The following BRCA2 variants were observed in gnomAD, a reference collection of about 807,000 sequenced individuals.
BRCA2 encodes breast cancer type 2 susceptibility protein.
Under a neutral mutation model 276.7 loss-of-function variants are expected in BRCA2, and 203 were observed. The observed-to-expected ratio is 0.73, with a 90% CI of 0.65 to 0.82. BRCA2 has a LOEUF of 0.82. Ranked by LOEUF, BRCA2 falls within the 40% of genes least tolerant of loss-of-function variation. The probability of loss-of-function intolerance (pLI) is 0.00; values close to 1 mark genes in which losing one functional copy is unlikely to be tolerated. For synonymous variants in BRCA2, 1,289 were observed against 1,338.4 expected, an observed-to-expected ratio of 0.96 and a Z score of 0.81; for missense variants, 3,920 against 3,915.0, an observed-to-expected ratio of 1.00 and a Z score of -0.03.
At chr13:32,316,805 T>A (rs1435703181) in intron 2 of BRCA2, among the ~76,000 whole-genome samples, 1 of 152,202 alleles carries the variant, frequency 6.6e-6, no homozygotes, top group Non-Finnish European at 1.5e-5. Context: ...GCAGAAGTTG[T>A]CCAACTTTTT....
At chr13:32,388,305 G>T (rs752579953) in intron 24 of BRCA2, among the ~76,000 whole-genome samples, 1 of 151,970 alleles carries the variant, frequency 6.6e-6, no homozygotes, top group Non-Finnish European at 1.5e-5. Flanking sequence ...TTTTAATAGA[G>T]CTGGGGTTTC....
rs1253463092 is a variant in BRCA2, at chr13:32,319,097, A to C, written c.88A>C (p.Asn30His). The change falls in exon 3 of 27, where the codon AAT becomes CAT. Residue 30 changes from asparagine (N) to histidine (H), a missense_variant. Around this residue, in one of 2 missense-constraint regions of BRCA2, gnomAD observed 3,263 missense variants for 3,156.9 expected, o/e 1.03. Transcript: ENST00000380152. ...AATAGATTTAGGACCAATAAGTCTT[A>C]ATTGGTTTGAAGAACTTTCTTCAGA... ...NKADLGPISL[N>H]WFEELSSEAP... 1 of 1,611,418 alleles carries C rather than the reference A, an allele frequency of 6.2e-7. No homozygotes were observed. The highest frequency in any genetic ancestry group is 8.5e-7 in the Non-Finnish European group (1 of 1,177,764).
chr13:32,352,100 C>T (rs2137550359), intron 13 of BRCA2, among the ~76,000 whole-genome samples: 1 of 152,278 alleles, frequency 6.6e-6, no homozygotes, highest in South Asian at 2.1e-4. Flanking sequence ...TGTACCAGGC[C>T]TAATGTTACC....
chr13:32,378,914 G>A (rs1001455720), intron 21 of BRCA2, among the ~76,000 whole-genome samples: 1 of 152,162 alleles, frequency 6.6e-6, no homozygotes, highest in Non-Finnish European at 1.5e-5. Flanking sequence ...GTGCAAATTA[G>A]TTGTCCCCTT....
Position 32,332,795 on chromosome 13 carries a change from T to C in BRCA2, c.1317T>C (p.Phe439=), listed in dbSNP as rs1555281834. The change falls in exon 10 of 27, where the codon TTT becomes TTC. Residue 439 remains phenylalanine (F), a synonymous_variant. Coordinates refer to ENST00000380152, the MANE Select transcript of BRCA2 (RefSeq NM_000059.4). ...CAGAGAACAAAAGAAAGAAAGATTTTCTTACTTCAGAGAATTCTTTGCCAC... is the reference window on the plus strand; with the variant it reads ...CAGAGAACAAAAGAAAGAAAGATTTCCTTACTTCAGAGAATTCTTTGCCAC... ...LDTENKRKKD[F]LTSENSLPRI... 6.2e-7 allele frequency: 1 copy of C among 1,608,072 alleles called. No individual in the cohort carries two copies. The highest frequency in any genetic ancestry group is 1.1e-5 in the South Asian group (1 of 89,462).
rs876660133 is a variant in BRCA2, at chr13:32,363,257, A to C, written c.8055A>C (p.Thr2685=). Residue 2685 remains threonine (T), a synonymous_variant, in exon 18 of 27, where the codon ACA becomes ACC. Coordinates refer to ENST00000380152, the MANE Select transcript of BRCA2 (RefSeq NM_000059.4). The part of the protein sequence containing the change: ...IMERDDTAAK[T]LVLCVSDIIS... ...AAAGGGATGACACAGCTGCAAAAAC[A>C]CTTGTTCTCTGTGTTTCTGACATAA... 6.2e-7 allele frequency: 1 copy of C among 1,614,146 alleles called. No homozygotes were observed. The highest frequency in any genetic ancestry group is 8.5e-7 in the Non-Finnish European group (1 of 1,180,006).
intron 20 of BRCA2, 143 bp downstream of exon 20, chr13:32,371,243 T>C: frequency 1.2e-6 from 1 of 828,556 alleles, no homozygotes; most frequent in Non-Finnish European, 1.8e-6. Flanking sequence ...TAGGGTATTC[T>C]TTTTTGGTGT....
chr13:32,380,645 A>G (rs2072918648), intron 24 of BRCA2, among the ~76,000 whole-genome samples: 1 of 145,352 alleles, frequency 6.9e-6, no homozygotes, highest in South Asian at 2.1e-4. Flanking sequence ...GGTTCACACC[A>G]TTCTCCTGCC....
At chr13:32,394,661 A>T (rs2137651555) in intron 24 of BRCA2, 28 bp from the exon 25 acceptor site, 1 of 1,604,970 alleles carries the variant, frequency 6.2e-7, no homozygotes, top group Non-Finnish European at 8.5e-7. Context: ...ATCTATAATA[A>T]CATTCTTTTC....
chr13:32,333,754 G>A (rs1482219312), intron 10 of BRCA2, among the ~76,000 whole-genome samples: 1 of 152,014 alleles, frequency 6.6e-6, no homozygotes, highest in East Asian at 1.9e-4. Context: ...TTTTCCTGGT[G>A]CTCTCCTTCC....
rs2072759579 is a variant in BRCA2 at position 32,363,438 on chromosome 13, A to G, written c.8236A>G (p.Thr2746Ala). 1.9e-6 allele frequency: 3 copies of G among 1,614,200 alleles called. No individual in the cohort carries two copies. Among genetic ancestry groups the G allele is most frequent in the Non-Finnish European group, 2.5e-6 (3 of 1,180,036 alleles). The change falls in exon 18 of 27, where the codon ACA becomes GCA. Residue 2746 changes from threonine (T) to alanine (A), a missense_variant. Physicochemically the swap from Thr to Ala is moderately conservative, Grantham distance 58 (BLOSUM62 0). Around this residue, in one of 2 missense-constraint regions of BRCA2, gnomAD observed 3,263 missense variants for 3,156.9 expected, o/e 1.03. Transcript: ENST00000380152. ...LLAVLKNGRL[T>A]VGQKIILHGA... The stretch of plus-strand genomic sequence containing the variant: ...AGCTGTCTTAAAGAATGGCAGACTG[A>G]CAGTTGGTCAGAAGATTATTCTTCA...
chr13:32,318,250 T>C (rs1480870405), intron 2 of BRCA2, among the ~76,000 whole-genome samples: 1 of 152,154 alleles, frequency 6.6e-6, no homozygotes, highest in African/African-American at 2.4e-5. Context: ...TTCCATAGCG[T>C]TATTATGAAA....
intron 24 of BRCA2, among the ~76,000 whole-genome samples, chr13:32,387,222 ATAGT>A (rs1463878740): frequency 1.3e-5 from 2 of 152,218 alleles, no homozygotes; most frequent in Non-Finnish European, 2.9e-5. Flanking sequence ...AATAAAGAAA[ATAGT>A]TAGATTAAGG....
At chr13:32,358,372 A>C (rs1047919403) in intron 16 of BRCA2, among the ~76,000 whole-genome samples, 1 of 151,326 alleles carries the variant, frequency 6.6e-6, no homozygotes, top group African/African-American at 2.4e-5. Flanking sequence ...GCTACTCTGG[A>C]GGCTGAGGCA....
rs946380047 is a variant in BRCA2, at chr13:32,398,200, T to A, written c.9687T>A (p.Pro3229=). ...SPNCEIYYQS[P]LSLCMAKRKS... Reference sequence around the variant, plus strand: ...ATTGTGAGATATATTATCAAAGTCCTTTATCACTTTGTATGGCCAAAAGGA... The same window carrying A: ...ATTGTGAGATATATTATCAAAGTCCATTATCACTTTGTATGGCCAAAAGGA... The change falls in exon 27 of 27, where the codon CCT becomes CCA. Residue 3229 remains proline, a synonymous_variant. Coordinates refer to ENST00000380152, the MANE Select transcript of BRCA2 (RefSeq NM_000059.4). The A allele has an allele frequency of 6.2e-7, 1 of 1,612,326 alleles. No individual in the cohort carries two copies. The highest frequency in any genetic ancestry group is 1.3e-5 in the African/African-American group (1 of 74,838).
intron 20 of BRCA2, among the ~76,000 whole-genome samples, chr13:32,375,050 AAG>A (rs1207244446): frequency 6.6e-6 from 1 of 152,242 alleles, no homozygotes; most frequent in African/African-American, 2.4e-5. Flanking sequence ...GGTGGCAGGA[AAG>A]AGAGTACAGG....
rs2072914441 is a variant in BRCA2, at chr13:32,380,113, T to C, written c.9224T>C (p.Ile3075Thr). Reference sequence around the variant, plus strand: ...CCATCTTGTTCTGAGGTGGACCTAATAGGATTTGTCGTTTCTGTTGTGAAA... The same window carrying C: ...CCATCTTGTTCTGAGGTGGACCTAACAGGATTTGTCGTTTCTGTTGTGAAA... ...FQPSCSEVDL[I>T]GFVVSVVKKT... The change falls in exon 24 of 27, where the codon ATA becomes ACA. Residue 3075 changes from isoleucine to threonine, a missense_variant. This residue lies in a region of BRCA2 where 657 missense variants were observed against 758.2 expected (regional missense o/e 0.87). Coordinates refer to ENST00000380152, the MANE Select transcript of BRCA2 (RefSeq NM_000059.4). The C allele has an allele frequency of 6.2e-7, 1 of 1,613,890 alleles. No individual in the cohort carries two copies. The highest frequency in any genetic ancestry group is 8.5e-7 in the Non-Finnish European group (1 of 1,179,984).
intron 2 of BRCA2, among the ~76,000 whole-genome samples, chr13:32,317,556 C>T (rs376606811): frequency 3.3e-5 from 5 of 152,140 alleles, no homozygotes; most frequent in African/African-American, 7.2e-5. Flanking sequence ...TTTCCCATGT[C>T]GCAACATCAT....
At chr13:32,368,583 A>G (rs1478128706) in intron 18 of BRCA2, among the ~76,000 whole-genome samples, 1 of 151,352 alleles carries the variant, frequency 6.6e-6, no homozygotes, top group East Asian at 1.9e-4. Context: ...ACTTTCCTCA[A>G]TGGTGATCAT....
Sources: allele counts gnomAD v4.1 joint callset (sites outside exome capture counted in the v4.1 genomes callset), GRCh38; gene constraint gnomAD v4.1.1; regional missense constraint gnomAD v4.1.1; transcripts MANE v1.5; gene names NCBI Gene and HGNC (gene_info 2026-07-23, HGNC 2026-07-21).